The following FAM114A1 variants were observed in gnomAD, a reference collection of about 807,000 sequenced individuals.
The protein encoded by FAM114A1 is family with sequence similarity 114 member A1.
Under a neutral mutation model 64.3 loss-of-function variants are expected in FAM114A1, and 62 were observed. The observed-to-expected ratio is 0.96, with a 90% CI of 0.79 to 1.19. FAM114A1 has a LOEUF of 1.19. FAM114A1 is among the 50% of genes most tolerant of loss of function. The pLI, the probability that FAM114A1 is intolerant of heterozygous loss-of-function variation, is 0.00. For missense variants in FAM114A1, 645 were observed against 676.3 expected (o/e 0.95, Z 0.51); for synonymous variants, 254 against 251.1 (o/e 1.01, Z -0.11).
intron 8 of FAM114A1, among the ~76,000 whole-genome samples, chr4:38,919,330 T>G (rs1047318557): frequency 6.6e-6 from 1 of 152,188 alleles, no homozygotes; most frequent in African/African-American, 2.4e-5. Context: ...CCTGCCTGCC[T>G]CCTATCTGCA....
intron 9 of FAM114A1, among the ~76,000 whole-genome samples, chr4:38,924,855 C>A (rs10031758): frequency 0.19 from 29,061 of 152,092 alleles, 3,047 homozygotes; most frequent in Middle Eastern, 0.3. Flanking sequence ...TATTTCTCTT[C>A]AAGAGTCATG....
intron 3 of FAM114A1, among the ~76,000 whole-genome samples, chr4:38,884,360 G>A (rs1472168308): frequency 6.6e-6 from 1 of 152,228 alleles, no homozygotes; most frequent in Non-Finnish European, 1.5e-5. Context: ...AAAATGGTCT[G>A]GAGAGATAGG....
At chr4:38,901,227 AC>A in intron 4 of FAM114A1, among the ~76,000 whole-genome samples, 1 of 152,186 alleles carries the variant, frequency 6.6e-6, no homozygotes, top group Admixed American at 6.5e-5. Flanking sequence ...GCTGCAGAGA[AC>A]TGCTGTTGCT....
At chr4:38,899,476 A>G (rs1441912206) in intron 4 of FAM114A1, among the ~76,000 whole-genome samples, 1 of 152,182 alleles carries the variant, frequency 6.6e-6, no homozygotes, top group Non-Finnish European at 1.5e-5. Flanking sequence ...CAACACTCCC[A>G]GAATCAAGGA....
intron 4 of FAM114A1, among the ~76,000 whole-genome samples, chr4:38,901,598 A>G (rs142999909): frequency 3.7e-4 from 57 of 152,282 alleles, no homozygotes; most frequent in African/African-American, 1.2e-3. Context: ...GGTCCATCAT[A>G]TTCTTTTTGC....
intron 11 of FAM114A1, among the ~76,000 whole-genome samples, 188 bp downstream of exon 11, chr4:38,931,800 T>A (rs1189740636): frequency 6.6e-6 from 1 of 152,034 alleles, no homozygotes; most frequent in African/African-American, 2.4e-5. Flanking sequence ...ATAATAATAA[T>A]AATAATTAGC....
At chr4:38,929,179 G>A in intron 9 of FAM114A1, 63 bp from the exon 10 acceptor site, 1 of 1,296,796 alleles carries the variant, frequency 7.7e-7, no homozygotes, top group Non-Finnish European at 1.1e-6. Flanking sequence ...AATGTTGGGG[G>A]AGCTGCCACA....
At chr4:38,895,535 A>C (rs1716844316) in intron 4 of FAM114A1, among the ~76,000 whole-genome samples, 2 of 152,216 alleles carry the variant, frequency 1.3e-5, no homozygotes, top group South Asian at 4.1e-4. Flanking sequence ...TAACCTAATC[A>C]CAGGGGTGAA....
Position 38,905,834 on chromosome 4 carries a change from T to C in FAM114A1, c.630T>C (p.Ser210=), listed in dbSNP as rs1717948763. ...SPSSASRGML[S]AITNVVQNTG... ...CATCAGCCTCTCGGGGTATGCTGTC[T>C]GCCATCACCAATGTGGTTCAAAACA... Residue 210 remains serine (S), a synonymous_variant, in exon 6 of 15, where the codon TCT becomes TCC. Coordinates refer to ENST00000358869, the MANE Select transcript of FAM114A1 (RefSeq NM_138389.4). The C allele has an allele frequency of 6.2e-7, 1 of 1,613,900 alleles. No homozygotes were observed. The highest frequency in any genetic ancestry group is 1.3e-5 in the African/African-American group (1 of 74,900).
At chr4:38,940,646 A>C (rs555158478) in intron 13 of FAM114A1, among the ~76,000 whole-genome samples, 1 of 152,326 alleles carries the variant, frequency 6.6e-6, no homozygotes, top group Non-Finnish European at 1.5e-5. Context: ...CTGCTACAAA[A>C]TTTACATAGT....
At chr4:38,886,682 C>A (rs913410739) in intron 3 of FAM114A1, among the ~76,000 whole-genome samples, 1 of 151,524 alleles carries the variant, frequency 6.6e-6, no homozygotes, top group African/African-American at 2.4e-5. Context: ...AATTCCAGCA[C>A]TTTGGGAGGC....
chr4:38,935,973 T>C (rs983721732), intron 13 of FAM114A1, among the ~76,000 whole-genome samples, 183 bp downstream of exon 13: 5 of 152,226 alleles, frequency 3.3e-5, no homozygotes, highest in Non-Finnish European at 7.3e-5. Flanking sequence ...CCTGACTGGG[T>C]TCTAGCCTTG....
At chr4:38,917,777 G>A (rs1443574417) in intron 8 of FAM114A1, among the ~76,000 whole-genome samples, 1 of 152,202 alleles carries the variant, frequency 6.6e-6, no homozygotes, top group Non-Finnish European at 1.5e-5. Flanking sequence ...TAGGAAGAAG[G>A]TTCGGCCTTT....
Position 38,932,353 on chromosome 4 carries a change from A to G in FAM114A1, c.1442A>G (p.Asp481Gly), listed in dbSNP as rs199877563. Residue 481 changes from aspartate (D) to glycine (G), a missense_variant, in exon 12 of 15, where the codon GAC becomes GGC. Coordinates refer to ENST00000358869, the MANE Select transcript of FAM114A1 (RefSeq NM_138389.4). ...HGQEEEKPAQ[D>G]QAKVLIKLTT... ...CAAGAAGAGGAAAAACCAGCTCAGG[A>G]CCAAGCAAAAGTTCTAATAAAGTAA... 8.8e-6 allele frequency: 14 copies of G among 1,592,232 alleles called. No homozygotes were observed. The African/African-American group carries it at 1.9e-4, about 22-fold the overall frequency.
At chr4:38,931,827 T>C (rs1199658582) in intron 11 of FAM114A1, among the ~76,000 whole-genome samples, 1 of 152,188 alleles carries the variant, frequency 6.6e-6, no homozygotes, top group African/African-American at 2.4e-5. Context: ...TGGTGGCGTG[T>C]GCCTGTACTC....
chr4:38,917,820 G>T (rs1719219271), intron 8 of FAM114A1, among the ~76,000 whole-genome samples: 1 of 152,188 alleles, frequency 6.6e-6, no homozygotes, highest in African/African-American at 2.4e-5. Flanking sequence ...GCCTCCACAA[G>T]CTCTGCTTTC....
At chr4:38,921,167 A>C (rs1719555139) in intron 8 of FAM114A1, among the ~76,000 whole-genome samples, 1 of 152,214 alleles carries the variant, frequency 6.6e-6, no homozygotes, top group African/African-American at 2.4e-5. Flanking sequence ...AAACTTTACT[A>C]CTTTATACTT....
Position 38,924,068 on chromosome 4 carries a change from T to C in FAM114A1, c.1069+1175T>C, listed in dbSNP as rs546199654. Among the ~76,000 whole-genome samples, 4 of 152,334 alleles carry C rather than the reference T, an allele frequency of 2.6e-5. No homozygotes were observed. The East Asian group carries it at 5.8e-4, about 22-fold the overall frequency. On this transcript the variant is annotated intron_variant, in intron 9 of 14. Coordinates refer to ENST00000358869, the MANE Select transcript of FAM114A1 (RefSeq NM_138389.4). ...CTAGGACCTTTGGAAGGGTCCCATT[T>C]GAAACATTTTCACCATTTTCTTGCT...
intron 3 of FAM114A1, among the ~76,000 whole-genome samples, chr4:38,886,692 C>A (rs1009208970): frequency 1.3e-5 from 2 of 151,426 alleles, no homozygotes; most frequent in Non-Finnish European, 2.9e-5. Flanking sequence ...CTTTGGGAGG[C>A]CGAGGCGGGC....
Sources: allele counts gnomAD v4.1 joint callset (sites outside exome capture counted in the v4.1 genomes callset), GRCh38; gene constraint gnomAD v4.1.1; transcripts MANE v1.5; gene names NCBI Gene and HGNC (gene_info 2026-07-23, HGNC 2026-07-21).